PCDHGA6: variants seen among roughly 807,000 people sequenced by gnomAD.
PCDHGA6 encodes the protein protocadherin gamma subfamily A, 6, also known as protocadherin gamma-A6.
In PCDHGA6, 41 loss-of-function variants were observed where a neutral mutation model predicts 60.6. That is an observed-to-expected ratio of 0.68 (90% CI 0.53 to 0.88). The LOEUF (loss-of-function observed/expected upper bound fraction) is 0.88, where lower values mean the gene tolerates loss of function less well. PCDHGA6 is among the 40% of genes least tolerant of loss of function. The pLI is 0.00. For missense variants in PCDHGA6, 1,312 were observed against 1,203.0 expected (o/e 1.09, Z -1.34); for synonymous variants, 594 against 524.4 (o/e 1.13, Z -1.81).
chr5:141,403,581 T>C (rs2094427540), intron 1 of PCDHGA6: 8 of 1,613,936 alleles, frequency 5.0e-6, no homozygotes, highest in Non-Finnish European at 6.8e-6. Flanking sequence ...GCCCACCACC[T>C]GGTCCTCACG....
chr5:141,488,633 A>G (rs2099677537), intron 1 of PCDHGA6, among the ~76,000 whole-genome samples: 1 of 152,174 alleles, frequency 6.6e-6, no homozygotes, highest in South Asian at 2.1e-4. Context: ...TCACCTTAGC[A>G]GCATTCAGCA....
At chr5:141,409,054 T>C (rs1314214077) in intron 1 of PCDHGA6, 2 of 1,613,910 alleles carry the variant, frequency 1.2e-6, no homozygotes, top group Non-Finnish European at 1.7e-6. Flanking sequence ...TCCGAAGCAC[T>C]GCCCAGAGCA....
chr5:141,408,082 G>A, intron 1 of PCDHGA6: 1 of 1,417,366 alleles, frequency 7.1e-7, no homozygotes, highest in Non-Finnish European at 9.3e-7. Context: ...TCCCAGCACA[G>A]CGGATTGCCA....
chr5:141,419,523 G>T (rs553587727), intron 1 of PCDHGA6: 21 of 1,612,086 alleles, frequency 1.3e-5, no homozygotes, highest in East Asian at 2.2e-5. Flanking sequence ...GTGGGCGACC[G>T]TAACGACAAC....
intron 3 of PCDHGA6, 96 bp downstream of exon 3, chr5:141,505,577 G>C: frequency 2.5e-6 from 4 of 1,589,854 alleles, no homozygotes; most frequent in Non-Finnish European, 3.4e-6. Flanking sequence ...TGTCAAACCT[G>C]TGTAGTTTCT....
At chr5:141,427,007 C>T (rs1215109574) in intron 1 of PCDHGA6, 2 of 456,668 alleles carry the variant, frequency 4.4e-6, no homozygotes, top group Admixed American at 2.3e-5. Flanking sequence ...CAGTTTTTAG[C>T]CAGGATGTAT....
chr5:141,498,930 C>T (rs2099786911), intron 2 of PCDHGA6, among the ~76,000 whole-genome samples: 1 of 121,364 alleles, frequency 8.2e-6, no homozygotes, highest in Non-Finnish European at 1.6e-5. Flanking sequence ...GAGACTCCAT[C>T]AGGAAAGAAA....
chr5:141,389,777 C>G (rs771585855), intron 1 of PCDHGA6: 68 of 1,613,174 alleles, frequency 4.2e-5, no homozygotes, highest in Non-Finnish European at 5.7e-5. Context: ...GTGCCTTAGG[C>G]GACAGGGACG....
chr5:141,511,007 G>A lies in PCDHGA6; in HGVS notation c.2633G>A (p.Arg878His), dbSNP rs780918754. The change falls in exon 4 of 4, where the codon CGC becomes CAC. Residue 878 changes from arginine to histidine, a missense_variant. Physicochemically the swap from Arg to His is conservative, Grantham distance 29 (BLOSUM62 0). Transcript: ENST00000517434. ...GCCGGCACCATGGGATTGAGCGCCC[G>A]CTACGGACCCCAGTTCACCCTGCAG... is the stretch of plus-strand genomic sequence containing the variant. ...GGAGTMGLSA[R>H]YGPQFTLQHV... 1.9e-6 allele frequency: 3 copies of A among 1,614,158 alleles called. No individual in the cohort carries two copies. Among genetic ancestry groups the A allele is most frequent in the East Asian group, 4.5e-5 (2 of 44,890 alleles).
intron 2 of PCDHGA6, 164 bp downstream of exon 2, chr5:141,495,029 G>A: frequency 2.1e-6 from 2 of 968,864 alleles, no homozygotes; most frequent in Non-Finnish European, 2.5e-6. Flanking sequence ...ACAGACCCCG[G>A]AAGGAAGAGG....
intron 1 of PCDHGA6, chr5:141,426,765 G>A (rs1343961009): frequency 1.8e-5 from 8 of 456,530 alleles, no homozygotes; most frequent in Non-Finnish European, 3.5e-5. Flanking sequence ...AGATGCAGAT[G>A]TAGGGCCTCA....
rs377248872 is a variant in PCDHGA6 at position 141,489,231 on chromosome 5, C to T, written c.2425-5576C>T. 2 of 1,528,166 alleles carry T rather than the reference C, an allele frequency of 1.3e-6. No homozygotes were observed. The highest frequency in any genetic ancestry group is 1.4e-5 in the African/African-American group (1 of 72,140). The allele number at this position is 1,528,166 out of a possible 1,614,324, so 94.7% of individuals were successfully genotyped here. A position where few individuals can be genotyped will look rare whatever the true frequency, so the allele number is the denominator to read the frequency against. On this transcript the variant is annotated intron_variant, in intron 1 of 3. Transcript: ENST00000517434. This position sits in a 1 kb window ranked among gnomAD's most constrained non-coding sequence, Gnocchi z 4.5. ...CACAGACTTACTCTCCACAAAGGGA[C>T]TTCTGGGTCATGGGGCCCAAGACAC...
At position 141,431,413 on chromosome 5, in the gene PCDHGA6, C is replaced by A; in HGVS notation, c.2424+54906C>A. ...TGGTCCTTACGGCCTCCGACGGGGG[C>A]GACCCGGTGCGCACAGGCACCGCGC... On this transcript the variant is annotated intron_variant, in intron 1 of 3. Transcript: ENST00000517434. This position sits in a 1 kb window ranked among gnomAD's most constrained non-coding sequence, Gnocchi z 4.8. The A allele has an allele frequency of 6.2e-7, 1 of 1,613,682 alleles. No homozygotes were observed. Among genetic ancestry groups the A allele is most frequent in the Non-Finnish European group, 8.5e-7 (1 of 1,180,044 alleles).
At position 141,491,196 on chromosome 5, in the gene PCDHGA6, T is replaced by C. The variant is rs899789155; in HGVS notation, c.2425-3611T>C. ...TGGTGGTCCTGGTGAGGGACAATGGTGACCCTTCACTCTCCTCCACAGCCA... is the reference window on the plus strand; with the variant it reads ...TGGTGGTCCTGGTGAGGGACAATGGCGACCCTTCACTCTCCTCCACAGCCA... On this transcript the variant is annotated intron_variant, in intron 1 of 3. Transcript: ENST00000517434. The surrounding 1 kb of genome is among the most constrained non-coding windows in gnomAD (Gnocchi z 6.9). The C allele has an allele frequency of 6.8e-6, 11 of 1,614,186 alleles. No homozygotes were observed. The highest frequency in any genetic ancestry group is 9.3e-6 in the Non-Finnish European group (11 of 1,180,030).
intron 3 of PCDHGA6, among the ~76,000 whole-genome samples, chr5:141,509,807 C>T (rs369661041): frequency 2.0e-5 from 3 of 152,104 alleles, no homozygotes; most frequent in Non-Finnish European, 4.4e-5. Context: ...TTCATAGAGC[C>T]GAGCTCTTCT....
intron 1 of PCDHGA6, chr5:141,415,452 C>G (rs2095870569): frequency 1.9e-6 from 3 of 1,614,122 alleles, no homozygotes; most frequent in Admixed American, 1.7e-5. Context: ...CCTATTCCCA[C>G]GAGGTCTCTC....
At chr5:141,422,887 C>T in intron 1 of PCDHGA6, 1 of 1,614,264 alleles carries the variant, frequency 6.2e-7, no homozygotes, top group Non-Finnish European at 8.5e-7. Context: ...CCTGTTCGTG[C>T]TGGACCAGAA....
intron 1 of PCDHGA6, chr5:141,478,730 G>A: frequency 6.5e-7 from 1 of 1,538,906 alleles, no homozygotes; most frequent in South Asian, 1.2e-5. Flanking sequence ...GCCAGAGTGT[G>A]GTTTGTGGTC....
chr5:141,460,416 A>C (rs966481039), intron 1 of PCDHGA6, among the ~76,000 whole-genome samples: 1 of 152,138 alleles, frequency 6.6e-6, no homozygotes, highest in African/African-American at 2.4e-5. Flanking sequence ...GTTGATGTTT[A>C]TGTATGGTGT....
Sources: allele counts gnomAD v4.1 joint callset (sites outside exome capture counted in the v4.1 genomes callset), GRCh38; gene constraint gnomAD v4.1.1; non-coding constraint Gnocchi (gnomAD v3.1); transcripts MANE v1.5; gene names NCBI Gene and HGNC (gene_info 2026-07-23, HGNC 2026-07-21).